BBS5: variants seen among roughly 807,000 people sequenced by gnomAD.
BBS5 encodes the protein Bardet-Biedl syndrome 5, also known as BBSome complex member BBS5.
In BBS5, 39 loss-of-function variants were observed where a neutral mutation model predicts 50.2. That is an observed-to-expected ratio of 0.78 (90% CI 0.60 to 1.01). BBS5 has a LOEUF of 1.01. BBS5 is among the 50% of genes least tolerant of loss of function. The pLI, the probability that BBS5 is intolerant of heterozygous loss-of-function variation, is 0.00. For synonymous variants in BBS5, 134 were observed against 133.1 expected (o/e 1.01, Z -0.05); for missense variants, 356 against 401.5 (o/e 0.89, Z 0.97).
chr2:169,482,141 ATTAT>A, intron 1 of BBS5, 106 bp from the exon 2 acceptor site: 1 of 772,584 alleles, frequency 1.3e-6, no homozygotes, highest in Middle Eastern at 3.7e-4. Flanking sequence ...TTGGTACAGT[ATTAT>A]TTATGCTGTT....
chr2:169,482,200 C>A, intron 1 of BBS5, 51 bp from the exon 2 acceptor site: 2 of 1,125,374 alleles, frequency 1.8e-6, no homozygotes, highest in Non-Finnish European at 2.7e-6. Flanking sequence ...AAATAGATTG[C>A]AAGCAGGTAT....
intron 2 of BBS5, among the ~76,000 whole-genome samples, chr2:169,484,402 C>CTGTGTGTG (rs34397673): frequency 1.3e-5 from 2 of 150,666 alleles, no homozygotes; most frequent in Admixed American, 6.6e-5. Flanking sequence ...ATAGAAATAA[C>CTGTGTGTG]TGTGTGTGTG....
chr2:169,488,036 G>A lies in BBS5; in HGVS notation c.308G>A (p.Ser103Asn), dbSNP rs567175904. 53 of 1,613,516 alleles carry A rather than the reference G, an allele frequency of 3.3e-5. No individual in the cohort carries two copies. The highest frequency in any genetic ancestry group is 1.7e-4 in the Middle Eastern group (1 of 6,052). Reference sequence around the variant, plus strand: ...CTCTATATACTAACAAAATGTAACAGTACTCGTTTTGAATTTATATTTACA... The same window carrying A: ...CTCTATATACTAACAAAATGTAACAATACTCGTTTTGAATTTATATTTACA... ...EALYILTKCN[S>N]TRFEFIFTNL... The change falls in exon 5 of 12, where the codon AGT (serine) becomes AAT (asparagine). Residue 103 changes from serine to asparagine, a missense_variant. Ser to Asn is a conservative substitution (Grantham distance 46). Transcript: ENST00000295240.
At chr2:169,494,706 C>T (rs1296225590) in intron 7 of BBS5, among the ~76,000 whole-genome samples, 1 of 152,066 alleles carries the variant, frequency 6.6e-6, no homozygotes, top group Non-Finnish European at 1.5e-5. Context: ...CTTCAATACA[C>T]TAAATAATTT....
chr2:169,490,903 A>G (rs921673172), intron 5 of BBS5, among the ~76,000 whole-genome samples: 4 of 152,212 alleles, frequency 2.6e-5, no homozygotes, highest in Admixed American at 6.5e-5. Context: ...ACATGGAATC[A>G]TATAATATGT....
At chr2:169,480,639 T>C (rs1366217886) in intron 1 of BBS5, among the ~76,000 whole-genome samples, 10 of 150,100 alleles carry the variant, frequency 6.7e-5, no homozygotes, top group Non-Finnish European at 3.0e-5. Context: ...TAGTAACATA[T>C]TGCGCACTTT....
chr2:169,495,983 A>G (rs970352383), intron 7 of BBS5, among the ~76,000 whole-genome samples: 2 of 152,120 alleles, frequency 1.3e-5, no homozygotes, highest in African/African-American at 4.8e-5. Flanking sequence ...TATACTCTTG[A>G]TGGGGTGTAA....
intron 2 of BBS5, among the ~76,000 whole-genome samples, chr2:169,486,232 G>T (rs751127918): frequency 5.9e-5 from 9 of 152,106 alleles, no homozygotes; most frequent in Admixed American, 5.2e-4. Context: ...GTATGACCTG[G>T]CTGGCTATAG....
chr2:169,487,027 T>C (rs1683497102), intron 2 of BBS5, 42 bp from the exon 3 acceptor site: 1 of 1,386,224 alleles, frequency 7.2e-7, no homozygotes, highest in Non-Finnish European at 1.0e-6. Context: ...CAAAAATGGG[T>C]TCTTATTTAA....
chr2:169,486,944 A>G (rs1176032196), intron 2 of BBS5, 125 bp from the exon 3 acceptor site: 2 of 749,836 alleles, frequency 2.7e-6, no homozygotes, highest in Non-Finnish European at 4.9e-6. Context: ...ATTTTCAGTT[A>G]ATATATGAAA....
intron 5 of BBS5, among the ~76,000 whole-genome samples, chr2:169,490,859 C>T (rs1683584256): frequency 6.6e-6 from 1 of 152,144 alleles, no homozygotes; most frequent in Non-Finnish European, 1.5e-5. Flanking sequence ...TACTTTGTGT[C>T]TATATGGATT....
At chr2:169,503,395 C>T (rs183310489) in intron 10 of BBS5, among the ~76,000 whole-genome samples, 8 of 152,120 alleles carry the variant, frequency 5.3e-5, no homozygotes, top group African/African-American at 1.9e-4. Flanking sequence ...TGCAGTGGCT[C>T]ACACCTGTAA....
rs114627917 is a variant in BBS5 at position 169,486,437 on chromosome 2, G to T, written c.143-632G>T. Among the ~76,000 whole-genome samples the T allele has an allele frequency of 9.0e-3, 1,368 of 152,134 alleles. 28 individuals are homozygous for T. The highest frequency in any genetic ancestry group is 0.031 in the African/African-American group (1,292 of 41,506). ...GGAGCATCAGTAAGAGATCACTATT[G>T]TACAGGACACATTTTGAGAAATGAA... is the stretch of plus-strand genomic sequence containing the variant. On this transcript the variant is annotated intron_variant, in intron 2 of 11. Transcript: ENST00000295240.
At position 169,482,279 on chromosome 2, in the gene BBS5, C is replaced by G. The variant is rs775539949; in HGVS notation, c.88C>G (p.Leu30Val). The G allele has an allele frequency of 6.2e-7, 1 of 1,610,512 alleles. No individual in the cohort carries two copies. Among genetic ancestry groups the G allele is most frequent in the South Asian group, 1.1e-5 (1 of 91,006 alleles). The change falls in exon 2 of 12, where the codon CTT becomes GTT. Residue 30 changes from leucine to valine, a missense_variant. Transcript: ENST00000295240. ...QQMKTRPGEV[L>V]IDCLDSIEDT... ...AATGAAAACAAGACCTGGAGAAGTC[C>G]TTATTGATTGTTTAGATTCCATTGA...
intron 9 of BBS5, among the ~76,000 whole-genome samples, chr2:169,501,704 T>C (rs1683806407): frequency 6.6e-6 from 1 of 152,094 alleles, no homozygotes; most frequent in African/African-American, 2.4e-5. Flanking sequence ...GATCATGCCA[T>C]TGCACTGCAG....
intron 9 of BBS5, among the ~76,000 whole-genome samples, chr2:169,502,511 G>A (rs750289732): frequency 2.0e-5 from 3 of 152,168 alleles, no homozygotes; most frequent in East Asian, 3.9e-4. Context: ...TTTAGTTATC[G>A]GTCATTGTGT....
chr2:169,505,810 C>G lies in BBS5; in HGVS notation c.*1228C>G, dbSNP rs1466186583. 1 of 167,992 alleles carries G rather than the reference C, an allele frequency of 6.0e-6. No individual in the cohort carries two copies. The highest frequency in any genetic ancestry group is 2.4e-5 in the African/African-American group (1 of 41,384). 10.4% of individuals were successfully genotyped at this position (167,992 alleles called of 1,614,324 possible). On this transcript the variant is annotated 3_prime_UTR_variant, in exon 12 of 12. Transcript: ENST00000295240. ...GGAGCGTCTCCGCCCGGCAGCCACC[C>G]AGTCCGGGAGGGAGGTGGGGGGGTC...
rs139209556 is a variant in BBS5, at chr2:169,494,172, T to C, written c.618+336T>C. ...GCTATTAAAGTTTTCTGTAACTTTT[T>C]CATGAGGCAGGTATGTGGTGCTTCC... On this transcript the variant is annotated intron_variant, in intron 7 of 11. Transcript: ENST00000295240. Among the ~76,000 whole-genome samples the C allele has an allele frequency of 1.9e-4, 29 of 152,336 alleles. No homozygotes were observed. In the East Asian group the frequency reaches 5.4e-3, roughly 28 times the overall value.
In BBS5 at chr2:169,482,352, G is replaced by A. The variant is rs1683412480; in HGVS notation, c.142+19G>A. 1.1e-5 allele frequency: 16 copies of A among 1,416,116 alleles called. No homozygotes were observed. The highest frequency in any genetic ancestry group is 1.5e-5 in the Non-Finnish European group (15 of 999,972). 87.7% of individuals were successfully genotyped at this position (1,416,116 alleles called of 1,614,324 possible). On this transcript the variant is annotated intron_variant, in intron 2 of 11. Transcript: ENST00000295240. ...GATAGAGGTGAGTATATTTTTAAAT[G>A]TATCTTATATTCCTGGTTTAATTTA...
Sources: allele counts gnomAD v4.1 joint callset (sites outside exome capture counted in the v4.1 genomes callset), GRCh38; gene constraint gnomAD v4.1.1; transcripts MANE v1.5; gene names NCBI Gene and HGNC (gene_info 2026-07-23, HGNC 2026-07-21).